The following HLCS variants were observed in gnomAD, a reference collection of about 807,000 sequenced individuals.
HLCS encodes holocarboxylase synthetase, also known as biotin--protein ligase.
In HLCS, 53 loss-of-function variants were observed where a neutral mutation model predicts 75.0. The ratio of observed to expected loss-of-function variants is 0.71; its 90% CI spans 0.57 to 0.89. HLCS has a LOEUF of 0.89. HLCS is among the 40% of genes least tolerant of loss of function. The probability of loss-of-function intolerance (pLI) is 0.00; values close to 1 mark genes in which losing one functional copy is unlikely to be tolerated. For missense variants in HLCS, 966 were observed against 1,074.0 expected, an observed-to-expected ratio of 0.90 and a Z score of 1.41; for synonymous variants, 431 against 428.6, an observed-to-expected ratio of 1.01 and a Z score of -0.07.
intron 2 of HLCS, among the ~76,000 whole-genome samples, chr21:36,957,429 C>G (rs2068022721): frequency 2.0e-5 from 3 of 152,262 alleles, no homozygotes; most frequent in Admixed American, 2.0e-4. Context: ...TATAAATTAT[C>G]CAGCTCCAGG....
intron 1 of HLCS, among the ~76,000 whole-genome samples, chr21:36,975,451 A>C (rs542485612): frequency 6.6e-6 from 1 of 151,778 alleles, no homozygotes; most frequent in Non-Finnish European, 1.5e-5. Flanking sequence ...CATCCAGCAC[A>C]CTCTGCACTT....
chr21:36,784,373 C>T (rs538743450), intron 6 of HLCS, among the ~76,000 whole-genome samples: 136 of 148,734 alleles, frequency 9.1e-4, no homozygotes, highest in African/African-American at 3.2e-3. Flanking sequence ...TGGAGTGCAG[C>T]GGCACTATCT....
Position 36,889,998 on chromosome 21 carries a change from T to C in HLCS, c.1892+6862A>G, listed in dbSNP as rs114534165. On this transcript the variant is annotated intron_variant, in intron 6 of 10. Transcript: ENST00000674895. ...GGAGGTAATCGGATCATGGGGGTTG[T>C]TTCTCCCATGCTGTCCTTGTGATGG... Among the ~76,000 whole-genome samples, 636 of 152,252 alleles carry C rather than the reference T, an allele frequency of 4.2e-3. 5 individuals are homozygous for C. Among genetic ancestry groups the C allele is most frequent in the African/African-American group, 0.014 (585 of 41,538 alleles).
intron 2 of HLCS, among the ~76,000 whole-genome samples, chr21:36,943,025 A>T (rs1032536228): frequency 1.3e-5 from 2 of 152,184 alleles, no homozygotes; most frequent in African/African-American, 4.8e-5. Flanking sequence ...TCTCAAAACC[A>T]CAGTGAGACA....
intron 6 of HLCS, among the ~76,000 whole-genome samples, chr21:36,803,499 T>C (rs146842326): frequency 2.0e-5 from 3 of 152,358 alleles, no homozygotes; most frequent in African/African-American, 4.8e-5. Flanking sequence ...TTCCAGTTTA[T>C]GCCCACGAGG....
chr21:36,799,198 T>A (rs962525395), intron 6 of HLCS, among the ~76,000 whole-genome samples: 2 of 152,196 alleles, frequency 1.3e-5, no homozygotes, highest in African/African-American at 2.4e-5. Flanking sequence ...CCATATGGTG[T>A]CATGTAACAG....
chr21:36,760,098 C>T (rs2089771340), intron 8 of HLCS, among the ~76,000 whole-genome samples: 1 of 152,138 alleles, frequency 6.6e-6, no homozygotes, highest in African/African-American at 2.4e-5. Flanking sequence ...TTCTCATCAT[C>T]CAAAACCCTT....
intron 6 of HLCS, among the ~76,000 whole-genome samples, chr21:36,854,606 G>A (rs541238231): frequency 3.1e-4 from 47 of 152,306 alleles, no homozygotes; most frequent in African/African-American, 1.0e-3. Flanking sequence ...AGGAAGCAGA[G>A]GTCACAGGAA....
intron 2 of HLCS, 136 bp from the exon 3 acceptor site, chr21:36,939,130 AT>A (rs1163715191): frequency 2.6e-6 from 2 of 761,710 alleles, no homozygotes; most frequent in East Asian, 2.8e-5. Flanking sequence ...ATTACTGGAT[AT>A]TACATTTTAC....
intron 6 of HLCS, among the ~76,000 whole-genome samples, chr21:36,858,766 A>G (rs574496594): frequency 6.6e-6 from 1 of 152,362 alleles, no homozygotes; most frequent in South Asian, 2.1e-4. Flanking sequence ...GACAGGGAGC[A>G]GGCCATGCAG....
At chr21:36,889,137 A>G (rs1308193925) in intron 6 of HLCS, among the ~76,000 whole-genome samples, 1 of 151,598 alleles carries the variant, frequency 6.6e-6, no homozygotes, top group African/African-American at 2.4e-5. Flanking sequence ...TGCTTATCCC[A>G]TGAGGCAAAG....
At chr21:36,928,806 G>T (rs2066512553) in intron 5 of HLCS, among the ~76,000 whole-genome samples, 1 of 152,204 alleles carries the variant, frequency 6.6e-6, no homozygotes, top group South Asian at 2.1e-4. Context: ...AAGGGGCTTA[G>T]TAGGGAGTGT....
Position 36,979,975 on chromosome 21 carries a change from G to A in HLCS, c.-393+10183C>T, listed in dbSNP as rs994170433. On this transcript the variant is annotated intron_variant, in intron 1 of 11. Transcript: ENST00000336648. The stretch of plus-strand genomic sequence containing the variant: ...GGGGAGGTCGAGGCTGCAGTGAGCC[G>A]CAATCACGCCACTTGTACTCCAGCC... Among the ~76,000 whole-genome samples the A allele has an allele frequency of 5.5e-5, 7 of 126,484 alleles. No homozygotes were observed. The Admixed American group carries it at 6.0e-4, about 11-fold the overall frequency. 83.0% of individuals were successfully genotyped at this position (126,484 alleles called of 152,430 possible).
intron 6 of HLCS, among the ~76,000 whole-genome samples, chr21:36,872,793 G>A (rs142598423): frequency 3.9e-5 from 6 of 152,238 alleles, no homozygotes; most frequent in Admixed American, 1.3e-4. Context: ...CTATGAATAC[G>A]ACCTACAAGT....
intron 6 of HLCS, among the ~76,000 whole-genome samples, chr21:36,855,776 CTG>C (rs1244553949): frequency 2.0e-5 from 3 of 152,018 alleles, no homozygotes; most frequent in Non-Finnish European, 4.4e-5. Flanking sequence ...TGGGGTTTTT[CTG>C]TGTTTCCCAG....
At chr21:36,799,539 G>A (rs2061132686) in intron 6 of HLCS, among the ~76,000 whole-genome samples, 1 of 152,198 alleles carries the variant, frequency 6.6e-6, no homozygotes, top group African/African-American at 2.4e-5. Flanking sequence ...AGAGATCAGA[G>A]ATACCACCTT....
intron 6 of HLCS, 144 bp downstream of exon 6, chr21:36,896,716 T>C (rs913782789): frequency 5.1e-5 from 46 of 905,814 alleles, no homozygotes; most frequent in Non-Finnish European, 7.6e-5. Flanking sequence ...TTAACTCTTC[T>C]AGGACAAGAG....
At chr21:36,818,380 T>C (rs1373905957) in intron 6 of HLCS, among the ~76,000 whole-genome samples, 2 of 152,212 alleles carry the variant, frequency 1.3e-5, no homozygotes, top group Non-Finnish European at 2.9e-5. Context: ...AAAGGCACAC[T>C]ATTAGATTCT....
chr21:36,967,333 G>A (rs774165283), upstream of HLCS, among the ~76,000 whole-genome samples: 1 of 152,080 alleles, frequency 6.6e-6, no homozygotes, highest in African/African-American at 2.4e-5. Flanking sequence ...TTTAAATAAG[G>A]ACAGGAAACA....
Sources: gnomAD v4.1 joint callset for allele counts (sites outside exome capture counted in the v4.1 genomes callset) on GRCh38, gnomAD v4.1.1 for gene constraint, MANE v1.5 for transcripts, NCBI Gene and HGNC (gene_info 2026-07-23, HGNC 2026-07-21) for gene names.